The following UNC13C variants were observed in gnomAD, a reference collection of about 807,000 sequenced individuals.
UNC13C encodes the protein unc-13 homolog C.
A neutral mutation model predicts 245.4 loss-of-function variants in UNC13C; 174 were observed. The observed-to-expected ratio is 0.71, with a 90% CI of 0.63 to 0.80. The LOEUF (loss-of-function observed/expected upper bound fraction) is 0.80, where lower values mean the gene tolerates loss of function less well. Among genes scored for constraint, UNC13C ranks in the 30% least tolerant of loss-of-function variants. The probability of loss-of-function intolerance (pLI) is 0.00; values close to 1 mark genes in which losing one functional copy is unlikely to be tolerated. For synonymous variants in UNC13C, 992 were observed against 895.1 expected (o/e 1.11, Z -1.93); for missense variants, 2,829 against 2,602.9 (o/e 1.09, Z -1.89).
At chr15:53,952,423 G>A in the UNC13C span, among the ~76,000 whole-genome samples, 11 of 152,194 alleles carry the variant, frequency 7.2e-5, no homozygotes, top group East Asian at 5.8e-4. Flanking sequence ...TAATTCTCCC[G>A]TTCATTCTCT....
At chr15:54,176,485 C>T (rs765762658) in intron 4 of UNC13C, among the ~76,000 whole-genome samples, 6 of 151,964 alleles carry the variant, frequency 3.9e-5, no homozygotes, top group Non-Finnish European at 7.4e-5. Flanking sequence ...CTCCATTAGC[C>T]CCTGTCTAAC....
intron 30 of UNC13C, among the ~76,000 whole-genome samples, chr15:54,603,256 T>C (rs76644455): frequency 0.039 from 5,965 of 152,294 alleles, 220 homozygotes; most frequent in Admixed American, 0.12. Flanking sequence ...CTCTCACACA[T>C]CTTCCTAGAA....
chr15:54,113,654 G>A (rs556792645), intron 2 of UNC13C, among the ~76,000 whole-genome samples: 12 of 151,954 alleles, frequency 7.9e-5, no homozygotes, highest in Non-Finnish European at 1.2e-4. Flanking sequence ...GTGAAACCCC[G>A]TCTCTACTAA....
At chr15:53,958,598 G>A in the UNC13C span, among the ~76,000 whole-genome samples, 1 of 152,106 alleles carries the variant, frequency 6.6e-6, no homozygotes, top group Non-Finnish European at 1.5e-5. Context: ...ATAAGGCTCA[G>A]GCTGTCTGAT....
the UNC13C span, among the ~76,000 whole-genome samples, chr15:53,945,265 A>C: frequency 6.6e-6 from 1 of 152,114 alleles, no homozygotes; most frequent in African/African-American, 2.4e-5. Context: ...CCATTTGTCA[A>C]CTTTTGCTTT....
chr15:54,597,145 G>C (rs190285410), intron 30 of UNC13C, among the ~76,000 whole-genome samples: 3 of 152,248 alleles, frequency 2.0e-5, no homozygotes, highest in African/African-American at 7.2e-5. Flanking sequence ...TCATGTTCCT[G>C]TGAGAATCTA....
chr15:54,623,884 A>C lies in UNC13C; in HGVS notation c.6289A>C (p.Lys2097Gln). 9.9e-6 allele frequency: 16 copies of C among 1,613,366 alleles called. No individual in the cohort carries two copies. The highest frequency in any genetic ancestry group is 1.4e-5 in the Non-Finnish European group (16 of 1,179,528). Reference sequence around the variant, plus strand: ...TATACTGGGACCCAACCTTGGAGACAAGAAGAGAAAACAAGGCACAAAAAC... The same window carrying C: ...TATACTGGGACCCAACCTTGGAGACCAGAAGAGAAAACAAGGCACAAAAAC... ...VCILGPNLGD[K>Q]KRKQGTKTKS... is the part of the protein sequence containing the mutation. Residue 2097 changes from lysine to glutamine, a missense_variant, in exon 32 of 33, where the codon AAG becomes CAG. Coordinates refer to ENST00000260323, the MANE Select transcript of UNC13C (RefSeq NM_001080534.3).
At chr15:53,865,961 T>C in the UNC13C span, among the ~76,000 whole-genome samples, 6 of 151,964 alleles carry the variant, frequency 3.9e-5, no homozygotes, top group African/African-American at 1.4e-4. Context: ...TACAATAGAA[T>C]AACAAATAAA....
chr15:54,546,121 A>G (rs1048673607), intron 26 of UNC13C, among the ~76,000 whole-genome samples: 3 of 152,182 alleles, frequency 2.0e-5, no homozygotes, highest in African/African-American at 7.2e-5. Context: ...CATATACACC[A>G]TGGAATACCA....
intron 2 of UNC13C, among the ~76,000 whole-genome samples, chr15:54,106,633 T>G (rs1900461786): frequency 6.6e-6 from 1 of 152,248 alleles, no homozygotes; most frequent in Non-Finnish European, 1.5e-5. Context: ...CTGTTCCATG[T>G]GCCATCTCTT....
chr15:54,478,222 A>G (rs11858241), intron 19 of UNC13C, among the ~76,000 whole-genome samples: 20,952 of 149,404 alleles, frequency 0.14, 1,485 homozygotes, highest in Non-Finnish European at 0.17. Flanking sequence ...TAGTCTTGCT[A>G]GTGGTCTATC....
At chr15:53,984,037 T>C (rs549108188) in intron 1 of UNC13C, among the ~76,000 whole-genome samples, 1 of 152,200 alleles carries the variant, frequency 6.6e-6, no homozygotes, top group South Asian at 2.1e-4. Context: ...CTTCCAATTG[T>C]TTTATCTGTA....
intron 1 of UNC13C, among the ~76,000 whole-genome samples, chr15:54,009,894 A>T (rs2140986605): frequency 6.6e-6 from 1 of 152,266 alleles, no homozygotes; most frequent in Non-Finnish European, 1.5e-5. Flanking sequence ...CTGTGCTGAA[A>T]GCCAATAACC....
chr15:53,920,013 T>C, the UNC13C span, among the ~76,000 whole-genome samples: 1 of 152,186 alleles, frequency 6.6e-6, no homozygotes, highest in Non-Finnish European at 1.5e-5. Context: ...CTTTGTATAT[T>C]AGAAGACAGC....
chr15:54,377,189 G>A (rs1460116795), intron 17 of UNC13C, among the ~76,000 whole-genome samples: 1 of 152,152 alleles, frequency 6.6e-6, no homozygotes, highest in East Asian at 1.9e-4. Context: ...CAGCATAATG[G>A]CTGTATTTTA....
chr15:54,335,736 A>G (rs1241557836), intron 16 of UNC13C, among the ~76,000 whole-genome samples: 1 of 152,190 alleles, frequency 6.6e-6, no homozygotes, highest in Non-Finnish European at 1.5e-5. Context: ...TTTGTTATGT[A>G]TGTGCTATCG....
rs1555406259 is a variant in UNC13C, at chr15:54,038,124, A to AAATTTTTTTTTTTTTTTTT, written c.2983+22238_2983+22239insAATTTTTTTTTTTTTTTTT. ...CATATATATATATATATATATATATATTTTTTTTTTTTTTTTCCTGAGACA... is the reference window on the plus strand; with the variant it reads ...CATATATATATATATATATATATATAAATTTTTTTTTTTTTTTTTTTTTTTTTTTTTTTTTCCTGAGACA... On this transcript the variant is annotated intron_variant, in intron 2 of 32. Transcript: ENST00000260323. Among the ~76,000 whole-genome samples the AAATTTTTTTTTTTTTTTTT allele has an allele frequency of 1.5e-3, 67 of 45,034 alleles. 1 individual carries two copies. Among genetic ancestry groups the AAATTTTTTTTTTTTTTTTT allele is most frequent in the African/African-American group, 7.0e-3 (66 of 9,452 alleles). The allele number at this position is 45,034 out of a possible 152,430, so 29.5% of individuals were successfully genotyped here. A position where few individuals can be genotyped will look rare whatever the true frequency, so the allele number is the denominator to read the frequency against.
At chr15:54,593,617 C>A (rs1192945243) in intron 30 of UNC13C, among the ~76,000 whole-genome samples, 3 of 152,048 alleles carry the variant, frequency 2.0e-5, no homozygotes, top group Non-Finnish European at 4.4e-5. Flanking sequence ...TTGTTCAATT[C>A]TATTGCTGAG....
At chr15:54,317,130 A>G (rs2038028134) in intron 13 of UNC13C, among the ~76,000 whole-genome samples, 2 of 151,996 alleles carry the variant, frequency 1.3e-5, no homozygotes, top group African/African-American at 2.4e-5. Flanking sequence ...ATCAATTTTC[A>G]TAGATGAATG....
Sources: allele counts gnomAD v4.1 joint callset (sites outside exome capture counted in the v4.1 genomes callset), GRCh38; gene constraint gnomAD v4.1.1; transcripts MANE v1.5; gene names NCBI Gene and HGNC (gene_info 2026-07-23, HGNC 2026-07-21).